SLC14A2: variants seen among roughly 807,000 people sequenced by gnomAD.
The protein encoded by SLC14A2 is solute carrier family 14 member 2, also known as urea transporter 2.
In SLC14A2, 91 loss-of-function variants were observed where a neutral mutation model predicts 104.6. The ratio of observed to expected loss-of-function variants is 0.87; its 90% confidence interval spans 0.73 to 1.04. The LOEUF (loss-of-function observed/expected upper bound fraction) is 1.04. Ranked by LOEUF, SLC14A2 falls within the 50% of genes least tolerant of loss-of-function variation. The pLI, the probability that SLC14A2 is intolerant of heterozygous loss-of-function variation, is 0.00. For missense variants in SLC14A2, 1,189 were observed against 1,156.0 expected (o/e 1.03, Z -0.41); for synonymous variants, 476 against 466.4 (o/e 1.02, Z -0.27).
intron 1 of SLC14A2, among the ~76,000 whole-genome samples, chr18:45,441,832 T>G (rs1479495592): frequency 6.6e-6 from 1 of 152,206 alleles, no homozygotes; most frequent in Non-Finnish European, 1.5e-5. Context: ...TTTTCAGGGC[T>G]AAAGAAATGA....
chr18:45,376,716 T>C (rs549152325), intron 1 of SLC14A2, among the ~76,000 whole-genome samples: 1 of 152,316 alleles, frequency 6.6e-6, no homozygotes, highest in East Asian at 1.9e-4. Flanking sequence ...CTAAAAGAGA[T>C]GACTCTGTGA....
rs535693478 is a variant in SLC14A2 at position 45,540,134 on chromosome 18, A to C, written c.-35+56812A>C. ...CCTGATGAGGTGACTGAGAGGGCAG[A>C]GTGGCTGGGACACCTATTTTGCTGC... On this transcript the variant is annotated intron_variant, in intron 2 of 20. Transcript: ENST00000586448. 7.2e-5 allele frequency among the ~76,000 whole-genome samples: 11 copies of C among 152,014 alleles called. No homozygotes were observed. The South Asian group carries it at 2.3e-3, about 32-fold the overall frequency.
At chr18:45,512,755 T>C (rs1438111212) in intron 2 of SLC14A2, among the ~76,000 whole-genome samples, 2 of 152,282 alleles carry the variant, frequency 1.3e-5, no homozygotes, top group East Asian at 3.9e-4. Flanking sequence ...ATCAGACTCA[T>C]TCTGCCTGCA....
At chr18:45,361,179 C>A (rs2085606960) in intron 1 of SLC14A2, among the ~76,000 whole-genome samples, 1 of 152,050 alleles carries the variant, frequency 6.6e-6, no homozygotes, top group East Asian at 1.9e-4. Flanking sequence ...ATGAAGTCAC[C>A]CTGGATTGTA....
Position 45,437,813 on chromosome 18 carries a change from A to G in SLC14A2, c.-124-45420A>G, listed in dbSNP as rs556659870. On this transcript the variant is annotated intron_variant, in intron 1 of 20. Coordinates refer to the SLC14A2 transcript ENST00000586448. ...CCATTTTGTTGATAAGAAAATTGAA[A>G]CCTGAAGAGGATAATTAACTTCTTG... Among the ~76,000 whole-genome samples, 24 of 152,214 alleles carry G rather than the reference A, an allele frequency of 1.6e-4. No individual in the cohort carries two copies. In the South Asian group the frequency reaches 4.4e-3, roughly 28 times the overall value.
chr18:45,614,540 T>C (rs117372777), upstream of SLC14A2, among the ~76,000 whole-genome samples: 3,317 of 152,280 alleles, frequency 0.022, 55 homozygotes, highest in Non-Finnish European at 0.032. Context: ...AGGAGAGCTA[T>C]ACCCTGCAAA....
At chr18:45,306,419 G>A (rs753850340) in intron 1 of SLC14A2, among the ~76,000 whole-genome samples, 1 of 152,156 alleles carries the variant, frequency 6.6e-6, no homozygotes, top group South Asian at 2.1e-4. Flanking sequence ...GGGTGCAGGA[G>A]CCATTCAGTC....
intron 1 of SLC14A2, among the ~76,000 whole-genome samples, chr18:45,410,094 G>A (rs1225754586): frequency 6.6e-6 from 1 of 152,134 alleles, no homozygotes; most frequent in East Asian, 1.9e-4. Flanking sequence ...CCCATGCACA[G>A]TTCACAACAG....
At chr18:45,415,058 G>T (rs1170369386) in intron 1 of SLC14A2, among the ~76,000 whole-genome samples, 1 of 151,934 alleles carries the variant, frequency 6.6e-6, no homozygotes, top group Non-Finnish European at 1.5e-5. Flanking sequence ...TTTTAGACAT[G>T]CTGGAAAATT....
chr18:45,585,847 T>G (rs2044560148), intron 2 of SLC14A2, among the ~76,000 whole-genome samples: 1 of 152,024 alleles, frequency 6.6e-6, no homozygotes, highest in African/African-American at 2.4e-5. Context: ...TCCGCGAGAG[T>G]CCTTGAGTGC....
chr18:45,355,948 A>C (rs560999995), intron 1 of SLC14A2, among the ~76,000 whole-genome samples: 1 of 152,202 alleles, frequency 6.6e-6, no homozygotes, highest in East Asian at 1.9e-4. Flanking sequence ...GACTAGAGGC[A>C]AAGAGAAAAT....
At chr18:45,501,621 C>T (rs1040426958) in intron 2 of SLC14A2, among the ~76,000 whole-genome samples, 5 of 152,224 alleles carry the variant, frequency 3.3e-5, no homozygotes, top group South Asian at 2.1e-4. Flanking sequence ...ATAGAGTTGC[C>T]GGGACACTGG....
intron 2 of SLC14A2, among the ~76,000 whole-genome samples, chr18:45,583,708 T>C (rs1342688526): frequency 2.0e-5 from 3 of 151,784 alleles, no homozygotes; most frequent in Non-Finnish European, 4.4e-5. Context: ...CTGAGAAATA[T>C]AATGTCAGGA....
chr18:45,261,493 C>T (rs1441798801), intron 1 of SLC14A2, among the ~76,000 whole-genome samples: 1 of 150,564 alleles, frequency 6.6e-6, no homozygotes, highest in Non-Finnish European at 1.5e-5. Flanking sequence ...GTGCCATGCT[C>T]GTGTGCTGCA....
At chr18:45,583,497 T>TTTA (rs2044527077) in intron 2 of SLC14A2, among the ~76,000 whole-genome samples, 1 of 152,196 alleles carries the variant, frequency 6.6e-6, no homozygotes, top group Non-Finnish European at 1.5e-5. Flanking sequence ...AGGACTGTGA[T>TTTA]TTATTCATCT....
intron 1 of SLC14A2, among the ~76,000 whole-genome samples, chr18:45,481,955 T>C (rs990869908): frequency 1.2e-4 from 19 of 152,166 alleles, no homozygotes; most frequent in Non-Finnish European, 1.3e-4. Context: ...GTTTGGGGCT[T>C]TTCTTGTTTG....
intron 1 of SLC14A2, among the ~76,000 whole-genome samples, chr18:45,275,398 A>G (rs932057923): frequency 7.9e-5 from 12 of 152,208 alleles, no homozygotes; most frequent in Admixed American, 7.9e-4. Context: ...ATTGTTGACT[A>G]AAGATGATGG....
intron 1 of SLC14A2, among the ~76,000 whole-genome samples, chr18:45,234,661 A>G (rs1443162957): frequency 6.6e-6 from 1 of 152,170 alleles, no homozygotes; most frequent in Admixed American, 6.5e-5. Flanking sequence ...TTCTGTGTTC[A>G]CACCACAAAT....
At chr18:45,362,173 G>C (rs190103739) in intron 1 of SLC14A2, among the ~76,000 whole-genome samples, 48 of 152,334 alleles carry the variant, frequency 3.2e-4, no homozygotes, top group African/African-American at 1.1e-3. Context: ...GAAGGTACTT[G>C]TTTCTCCTTC....
Sources: allele counts gnomAD v4.1 joint callset (sites outside exome capture counted in the v4.1 genomes callset), GRCh38; gene constraint gnomAD v4.1.1; transcripts MANE v1.5; gene names NCBI Gene and HGNC (gene_info 2026-07-23, HGNC 2026-07-21).